Variants in PTPRG observed in about 807,000 individuals in gnomAD.
PTPRG encodes the protein receptor-type tyrosine-protein phosphatase gamma.
A neutral mutation model predicts 165.3 loss-of-function variants in PTPRG; 102 were observed. The ratio of observed to expected loss-of-function variants is 0.62; its 90% confidence interval spans 0.53 to 0.73. The LOEUF (loss-of-function observed/expected upper bound fraction) is 0.73. PTPRG is among the 30% of genes least tolerant of loss of function. The pLI is 0.00. For missense variants in PTPRG, 1,866 were observed against 1,861.4 expected (o/e 1.00, Z -0.05); for synonymous variants, 675 against 669.5 (o/e 1.01, Z -0.13).
At chr3:61,894,891 A>G (rs2038309843) in intron 2 of PTPRG, among the ~76,000 whole-genome samples, 1 of 152,012 alleles carries the variant, frequency 6.6e-6, no homozygotes, top group Admixed American at 6.6e-5. Flanking sequence ...ATGCAATGCT[A>G]GCATCCCTCT....
intron 1 of PTPRG, among the ~76,000 whole-genome samples, chr3:61,701,862 C>T (rs1247965280): frequency 1.3e-5 from 2 of 151,930 alleles, no homozygotes; most frequent in Non-Finnish European, 1.5e-5. Context: ...TGTACTCAGC[C>T]TGGGTGACAG....
intron 2 of PTPRG, among the ~76,000 whole-genome samples, chr3:61,908,657 A>G (rs1264611214): frequency 1.3e-5 from 2 of 152,214 alleles, no homozygotes; most frequent in African/African-American, 4.8e-5. Flanking sequence ...GGGCAGATAG[A>G]AAGAAAGCAA....
intron 2 of PTPRG, among the ~76,000 whole-genome samples, chr3:61,812,630 G>A (rs1230964722): frequency 1.3e-5 from 2 of 152,202 alleles, no homozygotes; most frequent in Non-Finnish European, 2.9e-5. Context: ...CTCCTCGTTA[G>A]CTGCTTTCCA....
chr3:61,846,312 C>T (rs562006029), intron 2 of PTPRG, among the ~76,000 whole-genome samples: 2 of 152,216 alleles, frequency 1.3e-5, no homozygotes, highest in South Asian at 4.1e-4. Flanking sequence ...AATTGTCTTC[C>T]TATAAGAAGC....
intron 1 of PTPRG, among the ~76,000 whole-genome samples, chr3:61,595,636 TAC>T (rs1700683563): frequency 6.6e-6 from 1 of 152,222 alleles, no homozygotes; most frequent in South Asian, 2.1e-4. Context: ...TAGGCTGGAA[TAC>T]CATTTATATA....
At chr3:61,945,106 G>T (rs1029392712) in intron 2 of PTPRG, among the ~76,000 whole-genome samples, 2 of 152,178 alleles carry the variant, frequency 1.3e-5, no homozygotes, top group Non-Finnish European at 1.5e-5. Flanking sequence ...AGGGGCAGAG[G>T]TGATCAGTGA....
At chr3:62,157,859 T>C (rs1704599367) in intron 7 of PTPRG, among the ~76,000 whole-genome samples, 1 of 152,216 alleles carries the variant, frequency 6.6e-6, no homozygotes. Flanking sequence ...GCTATGTACT[T>C]TACTCAGCAC....
chr3:62,173,471 C>T (rs1206230617), intron 8 of PTPRG, among the ~76,000 whole-genome samples: 1 of 152,108 alleles, frequency 6.6e-6, no homozygotes, highest in Non-Finnish European at 1.5e-5. Context: ...TTACTGACCC[C>T]CACTCTATGG....
intron 1 of PTPRG, among the ~76,000 whole-genome samples, chr3:61,681,213 C>G (rs189727218): frequency 2.6e-4 from 39 of 152,300 alleles, no homozygotes; most frequent in African/African-American, 9.1e-4. Flanking sequence ...AACCTTCACT[C>G]TGCGTTTAGA....
intron 1 of PTPRG, among the ~76,000 whole-genome samples, chr3:61,737,695 G>GGTGTCATGGTTGGA (rs1199655022): frequency 6.6e-6 from 1 of 151,950 alleles, no homozygotes; most frequent in African/African-American, 2.4e-5. Context: ...TAAGCAAAGG[G>GGTGTCATGGTTGGA]GTGTCATGGT....
intron 2 of PTPRG, chr3:61,749,414 CT>C (rs1252387207): frequency 3.2e-5 from 9 of 283,350 alleles, no homozygotes; most frequent in Non-Finnish European, 4.1e-5. Context: ...AGAAATGCAA[CT>C]TTATTTTTAA....
At chr3:61,671,616 G>A (rs1237890039) in intron 1 of PTPRG, among the ~76,000 whole-genome samples, 5 of 147,222 alleles carry the variant, frequency 3.4e-5, no homozygotes, top group Admixed American at 2.0e-4. Context: ...CCACAAAACC[G>A]CCATTGTCAT....
intron 1 of PTPRG, among the ~76,000 whole-genome samples, chr3:61,724,866 G>C (rs991932305): frequency 3.3e-5 from 5 of 152,024 alleles, no homozygotes; most frequent in Non-Finnish European, 2.9e-5. Context: ...CTAGATAGTA[G>C]ATATTTGCAA....
At chr3:61,605,088 A>G (rs1700966024) in intron 1 of PTPRG, among the ~76,000 whole-genome samples, 1 of 152,072 alleles carries the variant, frequency 6.6e-6, no homozygotes, top group East Asian at 1.9e-4. Flanking sequence ...CATCTGATAA[A>G]CTGGCATCTC....
intron 4 of PTPRG, among the ~76,000 whole-genome samples, chr3:62,044,331 A>G (rs1249253393): frequency 6.6e-6 from 1 of 152,106 alleles, no homozygotes; most frequent in African/African-American, 2.4e-5. Context: ...CTGAGGTCAG[A>G]AGTTCAAGAC....
intron 6 of PTPRG, among the ~76,000 whole-genome samples, chr3:62,138,840 T>C (rs1703819393): frequency 6.6e-6 from 1 of 152,240 alleles, no homozygotes; most frequent in African/African-American, 2.4e-5. Flanking sequence ...GTGTGTTTTT[T>C]CTTTTCATGT....
intron 1 of PTPRG, among the ~76,000 whole-genome samples, chr3:61,748,385 G>A (rs2033294855): frequency 6.6e-6 from 1 of 152,188 alleles, no homozygotes; most frequent in Non-Finnish European, 1.5e-5. Context: ...CTGTAAAAGA[G>A]ATAGAATGAC....
rs1187148888 is a variant in PTPRG at position 61,890,421 on chromosome 3, T to G, written c.191-99204T>G. 1.8e-4 allele frequency among the ~76,000 whole-genome samples: 15 copies of G among 83,784 alleles called. No individual in the cohort carries two copies. The East Asian group carries it at 8.4e-3, about 47-fold the overall frequency. The allele number at this position is 83,784 out of a possible 152,430, so 55.0% of individuals were successfully genotyped here. On this transcript the variant is annotated intron_variant, in intron 2 of 29. Transcript: ENST00000474889. ...GGGTTTCTTGTTCTTTGTTTTTTTT[T>G]TGTTTTTTTTTTTTTTTAGGGTCAG...
chr3:61,650,786 C>T (rs1435478270), intron 1 of PTPRG, among the ~76,000 whole-genome samples: 1 of 152,144 alleles, frequency 6.6e-6, no homozygotes, highest in African/African-American at 2.4e-5. Flanking sequence ...GTTTAACTCT[C>T]GATTTGCAAA....
Sources: allele counts gnomAD v4.1 joint callset (sites outside exome capture counted in the v4.1 genomes callset), GRCh38; gene constraint gnomAD v4.1.1; transcripts MANE v1.5; gene names NCBI Gene and HGNC (gene_info 2026-07-23, HGNC 2026-07-21).